PLXND1: variants seen among roughly 807,000 people sequenced by gnomAD.
PLXND1 encodes the protein plexin-D1.
In PLXND1, 54 loss-of-function variants were observed where a neutral mutation model predicts 197.7. That is an observed-to-expected ratio of 0.27 (90% CI 0.22 to 0.34). The LOEUF is 0.34. Among genes scored for constraint, PLXND1 ranks in the 10% least tolerant of loss-of-function variants. The probability of loss-of-function intolerance (pLI) is 1.00; values close to 1 mark genes in which losing one functional copy is unlikely to be tolerated. For synonymous variants in PLXND1, 1,180 were observed against 1,161.2 expected (o/e 1.02, Z -0.33); for missense variants, 2,127 against 2,699.2 (o/e 0.79, Z 4.70).
Position 129,555,538 on chromosome 3 carries a change from TA to T in PLXND1, c.*773del. The stretch of plus-strand genomic sequence containing the variant: ...GGTGCATGATACGTTTTTTAATATA[TA>T]AAAGCTTTAAAAAAAAAAGTGGTGC... On this transcript the variant is annotated 3_prime_UTR_variant, in exon 36 of 36. Transcript: ENST00000324093. 1.5e-6 allele frequency: 1 copy of T among 663,358 alleles called. No homozygotes were observed. Among genetic ancestry groups the T allele is most frequent in the Middle Eastern group, 2.4e-4 (1 of 4,138 alleles). 41.1% of individuals were successfully genotyped at this position (663,358 alleles called of 1,614,324 possible).
chr3:129,586,110 A>G, intron 4 of PLXND1, 29 bp from the exon 5 acceptor site: 1 of 1,613,210 alleles, frequency 6.2e-7, no homozygotes. Context: ...GTCAGGACCC[A>G]GGTCAGCTCC....
chr3:129,605,221 G>C (rs1362822681), intron 1 of PLXND1, 108 bp downstream of exon 1: 1 of 494,160 alleles, frequency 2.0e-6, no homozygotes, highest in East Asian at 4.4e-5. Context: ...ATCTCTGCGC[G>C]CTCCCACCTG....
At chr3:129,598,259 C>A (rs1402371595) in intron 1 of PLXND1, among the ~76,000 whole-genome samples, 1 of 152,148 alleles carries the variant, frequency 6.6e-6, no homozygotes, top group African/African-American at 2.4e-5. Context: ...GCTGCTCCAA[C>A]CTCCCCTCCT....
intron 13 of PLXND1, 50 bp from the exon 14 acceptor site, chr3:129,572,991 C>A (rs2085260176): frequency 7.4e-7 from 1 of 1,352,314 alleles, no homozygotes; most frequent in African/African-American, 1.4e-5. Context: ...CCCACGGCCA[C>A]CCTAGAGCCA....
chr3:129,589,310 T>TGGCCCCCCCCCCCCCCCCCCACCCCC, intron 2 of PLXND1, 41 bp downstream of exon 2: 1 of 501,294 alleles, frequency 2.0e-6, no homozygotes, highest in Non-Finnish European at 3.8e-6. Flanking sequence ...CAGGGGAGCC[T>TGGCCCCCCCCCCCCCCCCCCACCCCC]CCCACCCCCA....
chr3:129,598,239 T>A (rs897011679), intron 1 of PLXND1, among the ~76,000 whole-genome samples: 4 of 152,068 alleles, frequency 2.6e-5, no homozygotes, highest in African/African-American at 7.2e-5. Context: ...CCCAGCCCCA[T>A]CTGTCAAGTG....
chr3:129,587,224 G>C (rs2811460), intron 2 of PLXND1, among the ~76,000 whole-genome samples: 47,860 of 152,006 alleles, frequency 0.31, 8,352 homozygotes, highest in East Asian at 0.75. Flanking sequence ...TCCTCCCCCC[G>C]ACGCCCATTT....
At chr3:129,605,308 G>A (rs1181668133) in intron 1 of PLXND1, 21 bp downstream of exon 1, 8 of 1,159,314 alleles carry the variant, frequency 6.9e-6, no homozygotes, top group Non-Finnish European at 8.7e-6. Context: ...CGCCGCCGCC[G>A]CCGCCACCGC....
chr3:129,593,885 C>T (rs1166865830), intron 1 of PLXND1, among the ~76,000 whole-genome samples: 1 of 152,234 alleles, frequency 6.6e-6, no homozygotes. Context: ...AGGATGCCCC[C>T]TCCCCCTCCA....
chr3:129,576,640 G>A (rs1020959874), intron 9 of PLXND1, among the ~76,000 whole-genome samples: 3 of 152,166 alleles, frequency 2.0e-5, no homozygotes, highest in Non-Finnish European at 4.4e-5. Context: ...CCCTGGCCTG[G>A]GTTCAAACCC....
At chr3:129,563,020 G>T in intron 26 of PLXND1, 74 bp downstream of exon 26, 1 of 1,610,434 alleles carries the variant, frequency 6.2e-7, no homozygotes. Flanking sequence ...GCAAGGCCCT[G>T]CAGAGGAAGG....
rs75067802 is a variant in PLXND1 at position 129,601,957 on chromosome 3, C to T, written c.1311+3372G>A. The stretch of plus-strand genomic sequence containing the variant: ...ACAGTAAGTGCTCAAGATATATTTG[C>T]GACTGAGTGAAGGAATCTATTCCCG... On this transcript the variant is annotated intron_variant, in intron 1 of 35. Transcript: ENST00000324093. Among the ~76,000 whole-genome samples, 101 of 152,330 alleles carry T rather than the reference C, an allele frequency of 6.6e-4. No individual in the cohort carries two copies. In the East Asian group the frequency reaches 0.014, roughly 21 times the overall value.
In PLXND1 at chr3:129,606,110, G is replaced by T; in HGVS notation, c.530C>A (p.Pro177His). 1 of 1,542,400 alleles carries T rather than the reference G, an allele frequency of 6.5e-7. No homozygotes were observed. The highest frequency in any genetic ancestry group is 1.4e-5 in the African/African-American group (1 of 72,682). Residue 177 changes from proline to histidine, a missense_variant, in exon 1 of 36, where the codon CCC (proline) becomes CAC (histidine). This residue lies in a region of PLXND1 where 245 missense variants were observed against 267.1 expected (regional missense o/e 0.92). Coordinates refer to ENST00000324093, the MANE Select transcript of PLXND1 (RefSeq NM_015103.3). ...GTTGGCCGCCACGTTCAGCATGCTGGGGAACACCGTGACGGGCTCGGCGGG... is the reference window on the plus strand; with the variant it reads ...GTTGGCCGCCACGTTCAGCATGCTGTGGAACACCGTGACGGGCTCGGCGGG... ...APPAEPVTVFPSMLNVAANHP... is the reference protein window; with the variant it reads ...APPAEPVTVFHSMLNVAANHP...
intron 13 of PLXND1, 73 bp from the exon 14 acceptor site, chr3:129,573,014 G>A (rs1352779228): frequency 2.7e-5 from 28 of 1,033,936 alleles, no homozygotes; most frequent in South Asian, 6.6e-5. Flanking sequence ...CTCAGGGATC[G>A]CCCCATTCCA....
intron 7 of PLXND1, 40 bp from the exon 8 acceptor site, chr3:129,583,709 C>T: frequency 7.5e-7 from 1 of 1,335,642 alleles, no homozygotes; most frequent in Non-Finnish European, 1.1e-6. Flanking sequence ...GGTTCCCCAC[C>T]CCTCAACTCA....
rs2108766592 is a variant in PLXND1 at position 129,563,142 on chromosome 3, T to G, written c.4620A>C (p.Thr1540=). 6.2e-7 allele frequency: 1 copy of G among 1,612,632 alleles called. No homozygotes were observed. The highest frequency in any genetic ancestry group is 1.1e-5 in the South Asian group (1 of 90,890). The change falls in exon 26 of 36, where the codon ACA becomes ACC. Residue 1540 remains threonine (T), a synonymous_variant. Coordinates refer to ENST00000324093, the MANE Select transcript of PLXND1 (RefSeq NM_015103.3). ...CCCGCAGCAGCCACTCCTCACTGAG[T>G]GTGTAGCGGGCCTTGCCTGTGATGG... ...IDAITGKARY[T]LSEEWLLREN...
chr3:129,577,395 C>A lies in PLXND1; in HGVS notation c.2346+934G>T, dbSNP rs937593891. On this transcript the variant is annotated intron_variant, in intron 9 of 35. Transcript: ENST00000324093. The surrounding 1 kb of genome is among the most constrained non-coding windows in gnomAD (Gnocchi z 5.0). The stretch of plus-strand genomic sequence containing the variant: ...AGGCGCCCACGGCCCAGGGGCAGAG[C>A]CATCCTGCCCACCCACCCAGCCCCC... Among the ~76,000 whole-genome samples the A allele has an allele frequency of 6.6e-6, 1 of 152,122 alleles. No homozygotes were observed. Among genetic ancestry groups the A allele is most frequent in the Non-Finnish European group, 1.5e-5 (1 of 67,990 alleles).
intron 5 of PLXND1, among the ~76,000 whole-genome samples, chr3:129,584,971 C>T (rs1401998819): frequency 6.6e-6 from 1 of 152,164 alleles, no homozygotes; most frequent in African/African-American, 2.4e-5. Context: ...ATGTCTGCAC[C>T]CACAACCCGC....
chr3:129,594,586 C>A (rs568613180), intron 1 of PLXND1, among the ~76,000 whole-genome samples: 1 of 152,318 alleles, frequency 6.6e-6, no homozygotes, highest in East Asian at 1.9e-4. Context: ...GGGCTCCTTC[C>A]CATTCATCCT....
Sources: allele counts gnomAD v4.1 joint callset (sites outside exome capture counted in the v4.1 genomes callset), GRCh38; gene constraint gnomAD v4.1.1; regional missense constraint gnomAD v4.1.1; non-coding constraint Gnocchi (gnomAD v3.1); transcripts MANE v1.5; gene names NCBI Gene and HGNC (gene_info 2026-07-23, HGNC 2026-07-21).